The following PSMD10 variants were observed in gnomAD, a reference collection of about 807,000 sequenced individuals.
PSMD10 encodes the protein proteasome 26S subunit, non-ATPase 10.
A neutral mutation model predicts 13.2 loss-of-function variants in PSMD10; 2 were observed. The observed-to-expected ratio is 0.15, with a 90% CI of 0.06 to 0.48. The LOEUF (loss-of-function observed/expected upper bound fraction) is 0.48. PSMD10 is among the 20% of genes least tolerant of loss of function. PSMD10 has a pLI of 0.97. For missense variants in PSMD10, 120 were observed against 167.4 expected (o/e 0.72, Z 1.56); for synonymous variants, 66 against 64.4 (o/e 1.03, Z -0.12).
intron 1 of PSMD10, among the ~76,000 whole-genome samples, chrX:108,090,265 C>A (rs2031567533): frequency 8.9e-6 from 1 of 111,927 alleles, no homozygotes; most frequent in African/African-American, 3.3e-5. Flanking sequence ...AACTGTCTCC[C>A]AAATGTCTTT....
chrX:108,089,321 A>G (rs2031536456), intron 1 of PSMD10, among the ~76,000 whole-genome samples: 1 of 111,304 alleles, frequency 9.0e-6, no homozygotes, highest in African/African-American at 3.3e-5. Context: ...CTAAATGGTG[A>G]AGTTGGGGCA....
At chrX:108,087,873 G>C in intron 3 of PSMD10, 21 bp from the exon 4 acceptor site, 1 of 1,211,713 alleles carries the variant, frequency 8.3e-7, no homozygotes, top group Non-Finnish European at 1.1e-6. Flanking sequence ...GGAGAAGAAA[G>C]AAGAAAACAA....
chrX:108,090,744 G>A (rs1027904340), intron 1 of PSMD10, among the ~76,000 whole-genome samples: 2 of 112,147 alleles, frequency 1.8e-5, no homozygotes, highest in Admixed American at 1.9e-4. Context: ...TGAGCAGGAG[G>A]GCAGAAAGAA....
chrX:108,085,642 C>T (rs765039408), intron 4 of PSMD10, among the ~76,000 whole-genome samples: 1 of 111,974 alleles, frequency 8.9e-6, no homozygotes, highest in African/African-American at 3.2e-5. Context: ...CCTATGCTGA[C>T]ATGTCTTGGC....
At chrX:108,091,325 G>A in intron 1 of PSMD10, 82 bp downstream of exon 1, 2 of 911,958 alleles carry the variant, frequency 2.2e-6, no homozygotes, top group Non-Finnish European at 3.2e-6. Flanking sequence ...CAGAAACGGG[G>A]CCTCCGCTAG....
rs1438873954 is a variant in PSMD10 at position 108,085,141 on chromosome X, C to T, written c.528-14G>A. 1 of 1,178,487 alleles carries T rather than the reference C, an allele frequency of 8.5e-7. No homozygotes were observed. The highest frequency in any genetic ancestry group is 2.4e-5 in the Admixed American group (1 of 40,961). On this transcript the variant is annotated splice_polypyrimidine_tract_variant and intron_variant, in intron 4 of 4. Transcript: ENST00000217958. Reference sequence around the variant, plus strand: ...CAGGCTAAGTGTCTGAAATCAGGGACCACCAGAGACCAATTAATCACTACC... The same window carrying T: ...CAGGCTAAGTGTCTGAAATCAGGGATCACCAGAGACCAATTAATCACTACC...
rs111638916 is a variant in PSMD10, at chrX:108,084,839, G to A, written c.*135C>T. ...AACAAGTAACTCAGCAGGAACAAGA[G>A]TCAACATGTTTATAAGACTTTGAAG... is the stretch of plus-strand genomic sequence containing the variant. On this transcript the variant is annotated 3_prime_UTR_variant, in exon 5 of 5. Coordinates refer to ENST00000217958, the MANE Select transcript of PSMD10 (RefSeq NM_002814.4). 1 of 727,858 alleles carries A rather than the reference G, an allele frequency of 1.4e-6. No individual in the cohort carries two copies. Among genetic ancestry groups the A allele is most frequent in the African/African-American group, 2.2e-5 (1 of 45,578 alleles). 60.0% of individuals were successfully genotyped at this position (727,858 alleles called of 1,213,427 possible). A position where few individuals can be genotyped will look rare whatever the true frequency, so the allele number is the denominator to read the frequency against.
intron 2 of PSMD10, 166 bp downstream of exon 2, chrX:108,088,586 A>G: frequency 2.2e-6 from 1 of 446,951 alleles, no homozygotes; most frequent in Non-Finnish European, 4.0e-6. Flanking sequence ...TTGTAAAATA[A>G]TGCAACCATG....
intron 4 of PSMD10, 65 bp downstream of exon 4, chrX:108,087,621 T>C: frequency 5.2e-6 from 6 of 1,148,175 alleles, no homozygotes; most frequent in South Asian, 2.1e-5. Flanking sequence ...AGAAATGATG[T>C]ATAAGAATTA....
intron 2 of PSMD10, chrX:108,088,373 C>T: frequency 2.9e-6 from 1 of 342,528 alleles, no homozygotes; most frequent in Non-Finnish European, 5.0e-6. Flanking sequence ...AGTTTATGGT[C>T]TTTTAGGGTT....
intron 1 of PSMD10, among the ~76,000 whole-genome samples, chrX:108,089,946 G>A (rs2031553052): frequency 8.9e-6 from 1 of 112,230 alleles, no homozygotes; most frequent in African/African-American, 3.2e-5. Context: ...CCACAGAATA[G>A]AAAATGGTAT....
intron 4 of PSMD10, among the ~76,000 whole-genome samples, chrX:108,086,870 C>A (rs2031503215): frequency 9.0e-6 from 1 of 111,525 alleles, no homozygotes; most frequent in Non-Finnish European, 1.9e-5. Flanking sequence ...AATTCCACTT[C>A]TAGGAGTCTA....
At position 108,087,788 on chromosome X, in the gene PSMD10, G is replaced by C. The variant is rs1380677850; in HGVS notation, c.425C>G (p.Ala142Gly). 1 of 1,211,845 alleles carries C rather than the reference G, an allele frequency of 8.3e-7. No individual in the cohort carries two copies. Among genetic ancestry groups the C allele is most frequent in the Admixed American group, 2.2e-5 (1 of 46,028 alleles). Residue 142 changes from alanine to glycine, a missense_variant, in exon 4 of 5, where the codon GCA becomes GGA. By Grantham distance (60) the Ala-to-Gly change is moderately conservative. Around this residue, in one of 3 missense-constraint regions of PSMD10, gnomAD observed 68 missense variants for 124.8 expected, o/e 0.54. Coordinates refer to ENST00000217958, the MANE Select transcript of PSMD10 (RefSeq NM_002814.4). ...ACCCTTGGCTGCTGCCCGGTGCATT[G>C]CTGTAGCCTCATAATGGTCCTTAGC... The part of the protein sequence containing the change: ...PDAKDHYEAT[A>G]MHRAAAKGNL...
intron 4 of PSMD10, 143 bp downstream of exon 4, chrX:108,087,543 C>T: frequency 1.2e-6 from 1 of 862,027 alleles, no homozygotes; most frequent in Non-Finnish European, 1.6e-6. Flanking sequence ...CAATTTTTAT[C>T]TTTATATTTT....
intron 4 of PSMD10, among the ~76,000 whole-genome samples, chrX:108,086,794 A>T (rs1358426039): frequency 1.1e-4 from 12 of 112,162 alleles, no homozygotes; most frequent in Non-Finnish European, 2.3e-4. Flanking sequence ...AAAATGATAC[A>T]ACTCCTCTGG....
intron 1 of PSMD10, among the ~76,000 whole-genome samples, chrX:108,091,051 G>A (rs1351715019): frequency 8.8e-6 from 1 of 113,124 alleles, no homozygotes; most frequent in South Asian, 3.6e-4. Context: ...GGCACGGAAG[G>A]GGCGTTCAAT....
Position 108,084,449 on chromosome X carries a change from T to C in PSMD10, c.*525A>G, listed in dbSNP as rs2031471525. 1 of 112,748 alleles carries C rather than the reference T, an allele frequency of 8.9e-6. No individual in the cohort carries two copies. Among genetic ancestry groups the C allele is most frequent in the South Asian group, 3.6e-4 (1 of 2,766 alleles). 9.3% of individuals were successfully genotyped at this position (112,748 alleles called of 1,213,427 possible). A position where few individuals can be genotyped will look rare whatever the true frequency, so the allele number is the denominator to read the frequency against. ...AGAGCACACCATCCAACTTAAAATG[T>C]GGTCCACTAAAATATGTAAATATCC... On this transcript the variant is annotated 3_prime_UTR_variant, in exon 5 of 5. Coordinates refer to ENST00000217958, the MANE Select transcript of PSMD10 (RefSeq NM_002814.4).
At chrX:108,088,615 A>G in intron 2 of PSMD10, 137 bp downstream of exon 2, 1 of 473,964 alleles carries the variant, frequency 2.1e-6, no homozygotes, top group South Asian at 4.0e-5. Flanking sequence ...GCTTGATCAC[A>G]AGGGCCATGA....
intron 4 of PSMD10, among the ~76,000 whole-genome samples, chrX:108,085,757 T>C: frequency 8.9e-6 from 1 of 111,924 alleles, no homozygotes; most frequent in Non-Finnish European, 1.9e-5. Flanking sequence ...AACCTCACAA[T>C]AATCTAGTGA....
Sources: gnomAD v4.1 joint callset for allele counts (sites outside exome capture counted in the v4.1 genomes callset) on GRCh38, gnomAD v4.1.1 for gene constraint, gnomAD v4.1.1 regional missense constraint, MANE v1.5 for transcripts, NCBI Gene and HGNC (gene_info 2026-07-23, HGNC 2026-07-21) for gene names.